The following HERC3 variants were observed in gnomAD, a reference collection of about 807,000 sequenced individuals.
HERC3 encodes the protein probable E3 ubiquitin-protein ligase HERC3.
Under a neutral mutation model 129.9 loss-of-function variants are expected in HERC3, and 58 were observed. The observed-to-expected ratio is 0.45, with a 90% CI of 0.36 to 0.56. HERC3 has a LOEUF of 0.56. Ranked by LOEUF, HERC3 falls within the 20% of genes least tolerant of loss-of-function variation. The pLI is 0.00. For missense variants in HERC3, 835 were observed against 1,244.2 expected, an observed-to-expected ratio of 0.67 and a Z score of 4.95; for synonymous variants, 430 against 451.0, an observed-to-expected ratio of 0.95 and a Z score of 0.59.
In HERC3 at chr4:88,681,160, G is replaced by A; in HGVS notation, c.2342G>A (p.Cys781Tyr). Residue 781 changes from cysteine to tyrosine, a missense_variant and splice_region_variant, in exon 21 of 26, where the codon TGT becomes TAT. Cys to Tyr is a radical substitution (Grantham distance 194). Transcript: ENST00000402738. ...CACATTTGTATGTGTCCTAAAAAGT[G>A]TTTTGTAGAGCACAACTGGTTTCAC... ...DSNLLWFSDT[C>Y]FVEHNWFHLI... The A allele has an allele frequency of 6.2e-7, 1 of 1,606,696 alleles. No homozygotes were observed.
the HERC3 span, among the ~76,000 whole-genome samples, chr4:88,554,293 C>G: frequency 6.8e-6 from 1 of 147,158 alleles, no homozygotes; most frequent in African/African-American, 2.5e-5. Context: ...TGCAATGACC[C>G]GAGATTGCAC....
intron 3 of HERC3, among the ~76,000 whole-genome samples, chr4:88,640,311 C>G (rs1727934986): frequency 6.6e-6 from 1 of 152,148 alleles, no homozygotes; most frequent in East Asian, 1.9e-4. Context: ...ATAGCAAAGA[C>G]ATGGAACCAC....
At chr4:88,539,042 T>C in the HERC3 span, among the ~76,000 whole-genome samples, 1 of 152,162 alleles carries the variant, frequency 6.6e-6, no homozygotes, top group Non-Finnish European at 1.5e-5. Flanking sequence ...CCAACTGAGA[T>C]ACCTGGTTCA....
intron 2 of HERC3, among the ~76,000 whole-genome samples, chr4:88,599,883 T>TTC (rs947127704): frequency 6.6e-6 from 1 of 152,252 alleles, no homozygotes; most frequent in Non-Finnish European, 1.5e-5. Context: ...GGTCCCTGTT[T>TTC]TCTCTGGAGA....
At chr4:88,539,126 C>T in the HERC3 span, among the ~76,000 whole-genome samples, 17 of 152,300 alleles carry the variant, frequency 1.1e-4, no homozygotes, top group African/African-American at 2.9e-4. Context: ...CATCGCCTCA[C>T]CTGGGAAGCG....
intron 3 of HERC3, among the ~76,000 whole-genome samples, chr4:88,616,556 A>G (rs922478449): frequency 6.6e-6 from 1 of 152,220 alleles, no homozygotes; most frequent in Admixed American, 6.5e-5. Context: ...GATGGGGGTG[A>G]ATCTTTGGAT....
At chr4:88,566,675 A>G in the HERC3 span, among the ~76,000 whole-genome samples, 17 of 152,340 alleles carry the variant, frequency 1.1e-4, no homozygotes, top group African/African-American at 4.1e-4. Context: ...TTGTAGGATA[A>G]GTCTGATGTG....
intron 3 of HERC3, among the ~76,000 whole-genome samples, chr4:88,628,586 A>G (rs1315723547): frequency 6.6e-6 from 1 of 152,138 alleles, no homozygotes; most frequent in Non-Finnish European, 1.5e-5. Flanking sequence ...ATGGATCCCA[A>G]TGCAGGGATG....
At chr4:88,689,998 A>G (rs1733909705) in intron 23 of HERC3, 3 of 985,238 alleles carry the variant, frequency 3.0e-6, no homozygotes, top group Non-Finnish European at 3.6e-6. Flanking sequence ...CTTTGGGGAA[A>G]GTGAGCTATA....
the HERC3 span, among the ~76,000 whole-genome samples, chr4:88,566,495 T>C: frequency 6.6e-6 from 1 of 152,240 alleles, no homozygotes; most frequent in African/African-American, 2.4e-5. Context: ...TTTGATCAAC[T>C]CATCTTTCAG....
chr4:88,679,781 G>C (rs1016136690), intron 19 of HERC3, among the ~76,000 whole-genome samples: 4 of 152,186 alleles, frequency 2.6e-5, no homozygotes, highest in Non-Finnish European at 5.9e-5. Context: ...GCCTCCCAAA[G>C]TGCTAGGATT....
chr4:88,602,301 C>G (rs2149183857), intron 2 of HERC3, among the ~76,000 whole-genome samples: 1 of 147,752 alleles, frequency 6.8e-6, no homozygotes, highest in East Asian at 2.0e-4. Context: ...ACTTGAGAGA[C>G]TGAGGCAGGA....
intron 23 of HERC3, among the ~76,000 whole-genome samples, chr4:88,699,347 C>G (rs1257338121): frequency 2.1e-5 from 1 of 47,030 alleles, no homozygotes; most frequent in Non-Finnish European, 3.3e-5. Flanking sequence ...GCCCCACCCT[C>G]TTCTTCCCCA....
chr4:88,624,322 C>T lies in HERC3; in HGVS notation c.226+18273C>T, dbSNP rs114687235. On this transcript the variant is annotated intron_variant, in intron 3 of 25. Transcript: ENST00000402738. The stretch of plus-strand genomic sequence containing the variant: ...CTGGTTCATATGGTAAGTGTATGTT[C>T]CATTTTATAAGAAACTGCCAGTAAT... Among the ~76,000 whole-genome samples the T allele has an allele frequency of 2.5e-3, 385 of 152,284 alleles. 3 individuals are homozygous for T. Among genetic ancestry groups the T allele is most frequent in the African/African-American group, 9.0e-3 (376 of 41,564 alleles).
At chr4:88,552,621 T>C in the HERC3 span, among the ~76,000 whole-genome samples, 1 of 152,246 alleles carries the variant, frequency 6.6e-6, no homozygotes, top group Non-Finnish European at 1.5e-5. Flanking sequence ...GGATTTTTCA[T>C]AGATGCTGTA....
chr4:88,561,855 A>G, the HERC3 span, among the ~76,000 whole-genome samples: 2 of 152,026 alleles, frequency 1.3e-5, no homozygotes, highest in Non-Finnish European at 2.9e-5. Flanking sequence ...ATTCTTTTTT[A>G]TGGCTAAATA....
At chr4:88,563,979 T>C in the HERC3 span, among the ~76,000 whole-genome samples, 1 of 152,128 alleles carries the variant, frequency 6.6e-6, no homozygotes, top group Non-Finnish European at 1.5e-5. Flanking sequence ...TCCAGTTTTT[T>C]TGAGGATTTT....
At chr4:88,547,230 T>C in the HERC3 span, among the ~76,000 whole-genome samples, 1 of 152,168 alleles carries the variant, frequency 6.6e-6, no homozygotes, top group African/African-American at 2.4e-5. Context: ...GCTGGAGTAT[T>C]GGTATAAGAA....
chr4:88,567,763 T>C, the HERC3 span, among the ~76,000 whole-genome samples: 1 of 152,344 alleles, frequency 6.6e-6, no homozygotes, highest in South Asian at 2.1e-4. Context: ...TGAAAGGTCA[T>C]ATATCTCTGT....
Sources: allele counts gnomAD v4.1 joint callset (sites outside exome capture counted in the v4.1 genomes callset), GRCh38; gene constraint gnomAD v4.1.1; transcripts MANE v1.5; gene names NCBI Gene and HGNC (gene_info 2026-07-23, HGNC 2026-07-21).